The following FGD2 variants were observed in gnomAD, a reference collection of about 807,000 sequenced individuals.
The protein encoded by FGD2 is FYVE, RhoGEF and PH domain containing 2.
In FGD2, 52 loss-of-function variants were observed where a neutral mutation model predicts 75.9. The ratio of observed to expected loss-of-function variants is 0.69; its 90% CI spans 0.55 to 0.86. FGD2 has a LOEUF of 0.86. Ranked by LOEUF, FGD2 falls within the 40% of genes least tolerant of loss-of-function variation. FGD2 has a pLI of 0.00. For missense variants in FGD2, 790 were observed against 872.0 expected (o/e 0.91, Z 1.18); for synonymous variants, 347 against 348.6 (o/e 1.00, Z 0.05).
At position 37,028,615 on chromosome 6, in the gene FGD2, CT is replaced by C. The variant is rs386406733; in HGVS notation, c.*469del. The C allele has an allele frequency of 1.6e-3, 127 of 79,006 alleles. 1 individual carries two copies. Among genetic ancestry groups the C allele is most frequent in the South Asian group, 0.014 (32 of 2,366 alleles). The allele number at this position is 79,006 out of a possible 1,614,324, so 4.9% of individuals were successfully genotyped here. On this transcript the variant is annotated 3_prime_UTR_variant, in exon 16 of 16. Transcript: ENST00000274963. ...GGCTGAGTTGGGGGAGGCATGGGGTCTTTTTTTTTTTTTTTTTGAGACAGAG... is the reference window on the plus strand; with the variant it reads ...GGCTGAGTTGGGGGAGGCATGGGGTCTTTTTTTTTTTTTTTTGAGACAGAG...
At position 37,014,510 on chromosome 6, in the gene FGD2, G is replaced by C. The variant is rs949493694; in HGVS notation, c.824-136G>C. The C allele has an allele frequency of 1.4e-5, 13 of 962,216 alleles. No individual in the cohort carries two copies. In the African/African-American group the frequency reaches 2.1e-4, roughly 16 times the overall value. 59.6% of individuals were successfully genotyped at this position (962,216 alleles called of 1,614,324 possible). A position where few individuals can be genotyped will look rare whatever the true frequency, so the allele number is the denominator to read the frequency against. On this transcript the variant is annotated intron_variant, in intron 6 of 15. Coordinates refer to ENST00000274963, the MANE Select transcript of FGD2 (RefSeq NM_173558.4). Reference sequence around the variant, plus strand: ...CCCGCCATTCAGACACCCCATGGCTGGGCTGCACAGGCAGGGCTGCTCCTG... The same window carrying C: ...CCCGCCATTCAGACACCCCATGGCTCGGCTGCACAGGCAGGGCTGCTCCTG...
At position 37,011,041 on chromosome 6, in the gene FGD2, G is replaced by C. The variant is rs773375192; in HGVS notation, c.369G>C (p.Leu123=). The C allele has an allele frequency of 3.7e-6, 6 of 1,614,014 alleles. No homozygotes were observed. The highest frequency in any genetic ancestry group is 1.1e-5 in the South Asian group (1 of 91,092). Residue 123 remains leucine (L), a synonymous_variant, in exon 3 of 16, where the codon CTG becomes CTC. Transcript: ENST00000274963. ...AGGCCTATGTGGCGCGCCTCCACCTGCTAGACCAGGCCAGTGACCAGGACA... is the reference window on the plus strand; with the variant it reads ...AGGCCTATGTGGCGCGCCTCCACCTCCTAGACCAGGCCAGTGACCAGGACA... ...TEQAYVARLH[L]LDQVFFQELL...
In FGD2 at chr6:37,027,591, G is replaced by T; in HGVS notation, c.1752+16G>T. On this transcript the variant is annotated intron_variant, in intron 15 of 15. Transcript: ENST00000274963. ...TGCCCCTCAGGTAAGGCCACCACCT[G>T]CCCGCCCCCCGTCAGGCCCTGGCCT... 6.2e-7 allele frequency: 1 copy of T among 1,613,452 alleles called. No homozygotes were observed. The highest frequency in any genetic ancestry group is 1.3e-5 in the African/African-American group (1 of 75,058).
In FGD2 at chr6:37,015,754, T is replaced by C. The variant is rs200600367; in HGVS notation, c.1030-14T>C. On this transcript the variant is annotated splice_polypyrimidine_tract_variant and intron_variant, in intron 8 of 15. Transcript: ENST00000274963. ...GCCCCTGCCACGGGCCACTCACGCC[T>C]GTGTCTCCTGCAGTTCAACAACATG... The C allele has an allele frequency of 5.7e-6, 9 of 1,574,014 alleles. No individual in the cohort carries two copies. Among genetic ancestry groups the C allele is most frequent in the Non-Finnish European group, 6.9e-6 (8 of 1,159,752 alleles).
intron 4 of FGD2, chr6:37,013,292 T>C: frequency 3.1e-6 from 1 of 323,214 alleles, no homozygotes. Flanking sequence ...TCCTGGGTAG[T>C]GCTTGGTAGG....
At chr6:37,021,132 GTGTC>G (rs925739332) in intron 11 of FGD2, among the ~76,000 whole-genome samples, 1 of 151,936 alleles carries the variant, frequency 6.6e-6, no homozygotes, top group Non-Finnish European at 1.5e-5. Context: ...GTGTCTTTGT[GTGTC>G]TGTGTTTGTG....
At position 37,028,882 on chromosome 6, in the gene FGD2, T is replaced by C. The variant is rs59643885; in HGVS notation, c.*719T>C. On this transcript the variant is annotated 3_prime_UTR_variant, in exon 16 of 16. Coordinates refer to ENST00000274963, the MANE Select transcript of FGD2 (RefSeq NM_173558.4). ...CCTCCACCTCCCAAAGTGCTGGGAT[T>C]ACAGGCGTGAGCCACCATACCTGGC... 1,222 of 152,178 alleles carry C rather than the reference T, an allele frequency of 8.0e-3. 12 individuals carry two copies. Among genetic ancestry groups the C allele is most frequent in the Middle Eastern group, 0.044 (13 of 294 alleles). 9.4% of individuals were successfully genotyped at this position (152,178 alleles called of 1,614,324 possible).
At chr6:37,014,802 AC>A (rs941860718) in intron 7 of FGD2, 89 bp from the exon 8 acceptor site, 97 of 1,606,894 alleles carry the variant, frequency 6.0e-5, no homozygotes, top group Non-Finnish European at 8.1e-5. Context: ...CCTCACTGTT[AC>A]CCCCCAGTCC....
chr6:37,022,610 A>C, intron 13 of FGD2: 1 of 463,206 alleles, frequency 2.2e-6, no homozygotes, highest in Non-Finnish European at 3.6e-6. Context: ...CTTCCACTTG[A>C]TCCACCTAGG....
chr6:37,021,040 GTGTT>G (rs1252324478), intron 11 of FGD2, among the ~76,000 whole-genome samples: 4 of 151,812 alleles, frequency 2.6e-5, no homozygotes, highest in Admixed American at 2.6e-4. Context: ...GTGTATATGT[GTGTT>G]TGTGTGCATG....
In FGD2 at chr6:37,027,423, T is replaced by A. The variant is rs758110321; in HGVS notation, c.1606-6T>A. Reference sequence around the variant, plus strand: ...GCTCCCTGACAGTCCCTCCTTCTGGTTTTAGAAAGGGTCCTCAGCCACGCC... The same window carrying A: ...GCTCCCTGACAGTCCCTCCTTCTGGATTTAGAAAGGGTCCTCAGCCACGCC... On this transcript the variant is annotated splice_region_variant and splice_polypyrimidine_tract_variant and intron_variant, in intron 14 of 15. Transcript: ENST00000274963. 9.4e-6 allele frequency: 15 copies of A among 1,598,618 alleles called. No homozygotes were observed. In the South Asian group the frequency reaches 1.7e-4, roughly 18 times the overall value.
intron 9 of FGD2, among the ~76,000 whole-genome samples, chr6:37,017,316 G>A (rs1353281792): frequency 1.3e-5 from 2 of 152,198 alleles, no homozygotes; most frequent in Non-Finnish European, 2.9e-5. Context: ...CAGCCTGCCT[G>A]TGTGTGAATG....
chr6:37,010,342 T>C (rs1583293769), intron 2 of FGD2, among the ~76,000 whole-genome samples: 1 of 152,366 alleles, frequency 6.6e-6, no homozygotes, highest in East Asian at 1.9e-4. Context: ...CTTCCTCTTC[T>C]GACATTAATC....
chr6:37,008,312 G>A (rs1031949980), intron 1 of FGD2, among the ~76,000 whole-genome samples: 19 of 152,158 alleles, frequency 1.2e-4, no homozygotes, highest in Non-Finnish European at 2.6e-4. Context: ...ACGAAGGCCC[G>A]TCCCTGGGAG....
intron 9 of FGD2, among the ~76,000 whole-genome samples, chr6:37,017,802 C>T (rs1446814906): frequency 1.3e-5 from 2 of 150,290 alleles, no homozygotes; most frequent in African/African-American, 4.8e-5. Flanking sequence ...GCAAAAGAGC[C>T]CCACCCCTGC....
intron 1 of FGD2, 61 bp downstream of exon 1, chr6:37,005,946 C>G: frequency 6.3e-7 from 1 of 1,578,860 alleles, no homozygotes; most frequent in South Asian, 1.1e-5. Flanking sequence ...TCCAGCCTTT[C>G]TGGCAGCTCT....
At position 37,011,771 on chromosome 6, in the gene FGD2, G is replaced by C. The variant is rs779997550; in HGVS notation, c.444G>C (p.Arg148Ser). The change falls in exon 4 of 16, where the codon AGG becomes AGC. Residue 148 changes from arginine (R) to serine (S), a missense_variant. Transcript: ENST00000274963. ...AGGCCTTCCCAGAGGATGTGGTCAGGGTCATCTTCTCCAACATCTCCTCCA... is the reference window on the plus strand; with the variant it reads ...AGGCCTTCCCAGAGGATGTGGTCAGCGTCATCTTCTCCAACATCTCCTCCA... ...SSKAFPEDVV[R>S]VIFSNISSIY... is the part of the protein sequence containing the mutation. 6.2e-7 allele frequency: 1 copy of C among 1,614,094 alleles called. No homozygotes were observed. Among genetic ancestry groups the C allele is most frequent in the Non-Finnish European group, 8.5e-7 (1 of 1,180,016 alleles).
At chr6:37,026,214 G>A (rs115297393) in intron 14 of FGD2, 15,002 of 985,368 alleles carry the variant, frequency 0.015, 129 homozygotes, top group Middle Eastern at 0.02. Flanking sequence ...CGATAGTACG[G>A]CCCCTCTGGA....
chr6:37,018,485 C>T (rs1367469022), intron 9 of FGD2, among the ~76,000 whole-genome samples: 1 of 152,188 alleles, frequency 6.6e-6, no homozygotes, highest in Non-Finnish European at 1.5e-5. Flanking sequence ...GCCTATGACT[C>T]CCTGGCCTCC....
Sources: allele counts gnomAD v4.1 joint callset (sites outside exome capture counted in the v4.1 genomes callset), GRCh38; gene constraint gnomAD v4.1.1; transcripts MANE v1.5; gene names NCBI Gene and HGNC (gene_info 2026-07-23, HGNC 2026-07-21).